PEBP4: variants seen among roughly 807,000 people sequenced by gnomAD.
The protein encoded by PEBP4 is phosphatidylethanolamine-binding protein 4.
PEBP4 carries 22 observed loss-of-function variants against 23.9 expected under a neutral mutation model. That is an observed-to-expected ratio of 0.92 (90% confidence interval 0.66 to 1.31). The LOEUF (loss-of-function observed/expected upper bound fraction) is 1.31. Ranked by LOEUF, PEBP4 falls within the 40% of genes most tolerant of loss-of-function variation. PEBP4 has a pLI of 0.00. For synonymous variants in PEBP4, 112 were observed against 99.3 expected (o/e 1.13, Z -0.76); for missense variants, 324 against 281.7 (o/e 1.15, Z -1.07).
At chr8:22,811,774 C>T (rs981178401) in intron 4 of PEBP4, among the ~76,000 whole-genome samples, 2 of 152,212 alleles carry the variant, frequency 1.3e-5, no homozygotes, top group Admixed American at 1.3e-4. Flanking sequence ...GCTGGGGTCA[C>T]GTTAGGTCCT....
At chr8:22,919,673 T>C (rs1294033574) in intron 3 of PEBP4, among the ~76,000 whole-genome samples, 1 of 152,214 alleles carries the variant, frequency 6.6e-6, no homozygotes, top group East Asian at 1.9e-4. Flanking sequence ...GTGTCTCATG[T>C]TGTGACAACA....
At chr8:22,912,044 C>T (rs1488327361) in intron 3 of PEBP4, among the ~76,000 whole-genome samples, 5 of 151,736 alleles carry the variant, frequency 3.3e-5, no homozygotes, top group South Asian at 2.1e-4. Flanking sequence ...TAAGGGGGGG[C>T]GCTGTTTGAT....
At position 22,715,495 on chromosome 8, in the gene PEBP4, A is replaced by G. The variant is rs1585232736; in HGVS notation, c.518-1959T>C. ...TTGGTGTGTGGCAGGAACAGGGACG[A>G]GGGGGCCTTCCCCACCGTAGGGCAG... is the stretch of plus-strand genomic sequence containing the variant. On this transcript the variant is annotated intron_variant, in intron 6 of 6. Transcript: ENST00000256404. Among the ~76,000 whole-genome samples the G allele has an allele frequency of 3.3e-5, 5 of 152,292 alleles. 1 individual carries two copies. Among genetic ancestry groups the G allele is most frequent in the African/African-American group, 1.2e-4 (5 of 41,568 alleles).
At chr8:22,795,032 A>G (rs1044608312) in intron 4 of PEBP4, among the ~76,000 whole-genome samples, 2 of 150,958 alleles carry the variant, frequency 1.3e-5, no homozygotes, top group South Asian at 2.1e-4. Flanking sequence ...CTCTCAGTAT[A>G]TATCTTAATC....
chr8:22,735,247 A>G (rs1804834695), intron 4 of PEBP4, among the ~76,000 whole-genome samples: 1 of 152,240 alleles, frequency 6.6e-6, no homozygotes, highest in Non-Finnish European at 1.5e-5. Flanking sequence ...CCTAGAGGCC[A>G]TGCTGGGGGG....
At chr8:22,740,191 GA>G (rs746034466) in intron 4 of PEBP4, among the ~76,000 whole-genome samples, 1 of 152,212 alleles carries the variant, frequency 6.6e-6, no homozygotes, top group Non-Finnish European at 1.5e-5. Flanking sequence ...GAGACAGAGG[GA>G]CTCTGGAAGA....
At chr8:22,925,316 C>G in intron 2 of PEBP4, 1 of 985,336 alleles carries the variant, frequency 1.0e-6, no homozygotes, top group East Asian at 1.1e-4. Context: ...CCCCTTGACT[C>G]GAGTCTGGGA....
intron 4 of PEBP4, among the ~76,000 whole-genome samples, chr8:22,767,766 C>CT (rs1805638488): frequency 2.0e-5 from 3 of 151,936 alleles, no homozygotes; most frequent in Non-Finnish European, 4.4e-5. Flanking sequence ...ATAGTTTTTT[C>CT]TTTTTTGAGA....
At chr8:22,828,525 T>A (rs932186101) in intron 3 of PEBP4, among the ~76,000 whole-genome samples, 6 of 152,290 alleles carry the variant, frequency 3.9e-5, no homozygotes, top group Admixed American at 3.3e-4. Context: ...TTCCTGGCTT[T>A]CCCCTGAAGA....
intron 4 of PEBP4, among the ~76,000 whole-genome samples, chr8:22,766,483 T>C (rs549548174): frequency 1.2e-3 from 180 of 152,356 alleles, no homozygotes; most frequent in African/African-American, 4.0e-3. Flanking sequence ...GTATGAAATT[T>C]CTGAAGGGGC....
chr8:22,763,906 G>T (rs1474190790), intron 4 of PEBP4, among the ~76,000 whole-genome samples: 1 of 152,178 alleles, frequency 6.6e-6, no homozygotes, highest in Non-Finnish European at 1.5e-5. Context: ...GGTGCATAAT[G>T]CCAGGTGTGG....
intron 3 of PEBP4, among the ~76,000 whole-genome samples, chr8:22,834,961 G>A (rs1807171575): frequency 6.6e-6 from 1 of 152,210 alleles, no homozygotes; most frequent in South Asian, 2.1e-4. Context: ...AGTCTCCTAT[G>A]ATAGGGATTT....
intron 3 of PEBP4, among the ~76,000 whole-genome samples, chr8:22,915,847 G>T (rs1188091111): frequency 1.3e-5 from 2 of 152,202 alleles, no homozygotes; most frequent in African/African-American, 4.8e-5. Context: ...GTATTTTTCT[G>T]CTCTGTGTAT....
At chr8:22,726,678 A>G (rs1415933692) in intron 5 of PEBP4, among the ~76,000 whole-genome samples, 3 of 152,232 alleles carry the variant, frequency 2.0e-5, no homozygotes, top group African/African-American at 7.2e-5. Context: ...CCAGGCCAAC[A>G]GTGAGTGGTG....
At chr8:22,809,159 T>C (rs959268120) in intron 4 of PEBP4, among the ~76,000 whole-genome samples, 1 of 152,170 alleles carries the variant, frequency 6.6e-6, no homozygotes, top group African/African-American at 2.4e-5. Flanking sequence ...AAGCACCAGG[T>C]GCTACGTGCT....
At chr8:22,936,475 G>C (rs2128783407) in intron 1 of PEBP4, among the ~76,000 whole-genome samples, 1 of 152,222 alleles carries the variant, frequency 6.6e-6, no homozygotes, top group East Asian at 1.9e-4. Flanking sequence ...AAATGCCCCA[G>C]TGAAGAAAAG....
chr8:22,807,580 C>T (rs1806524787), intron 4 of PEBP4, among the ~76,000 whole-genome samples: 1 of 152,128 alleles, frequency 6.6e-6, no homozygotes, highest in African/African-American at 2.4e-5. Context: ...AATTAACTCA[C>T]CCATCTTGTC....
intron 3 of PEBP4, among the ~76,000 whole-genome samples, chr8:22,824,262 A>G (rs907989967): frequency 2.6e-5 from 4 of 152,108 alleles, no homozygotes; most frequent in Non-Finnish European, 4.4e-5. Context: ...AAAGATTTGC[A>G]CTCAAGGAAA....
chr8:22,741,645 C>T (rs1804997438), intron 4 of PEBP4, among the ~76,000 whole-genome samples: 1 of 152,142 alleles, frequency 6.6e-6, no homozygotes, highest in South Asian at 2.1e-4. Flanking sequence ...GCCACCCCAT[C>T]AGTGGGTGGC....
Sources: gnomAD v4.1 joint callset for allele counts (sites outside exome capture counted in the v4.1 genomes callset) on GRCh38, gnomAD v4.1.1 for gene constraint, MANE v1.5 for transcripts, NCBI Gene and HGNC (gene_info 2026-07-23, HGNC 2026-07-21) for gene names.